The following DHRSX variants were observed in gnomAD, a reference collection of about 807,000 sequenced individuals.
DHRSX encodes dehydrogenase/reductase X-linked.
In DHRSX, 31 loss-of-function variants were observed where a neutral mutation model predicts 34.0. The observed-to-expected ratio is 0.91, with a 90% CI of 0.69 to 1.23. The LOEUF is 1.23. DHRSX is among the 50% of genes most tolerant of loss of function. The pLI, the probability that DHRSX is intolerant of heterozygous loss-of-function variation, is 0.00. For missense variants in DHRSX, 414 were observed against 428.1 expected (o/e 0.97, Z 0.29); for synonymous variants, 201 against 183.8 (o/e 1.09, Z -0.76).
At chrX:2,320,746 G>A (rs1008340616) in intron 3 of DHRSX, among the ~76,000 whole-genome samples, 6 of 151,520 alleles carry the variant, frequency 4.0e-5, no homozygotes, top group Non-Finnish European at 7.4e-5. Flanking sequence ...ATGGGTGAAT[G>A]TGGCAACCCC....
intron 6 of DHRSX, among the ~76,000 whole-genome samples, chrX:2,231,088 T>C (rs957266185): frequency 6.6e-6 from 1 of 152,140 alleles, no homozygotes; most frequent in Non-Finnish European, 1.5e-5. Context: ...GGCTGGCTTT[T>C]AAGGCTAAAC....
intron 3 of DHRSX, among the ~76,000 whole-genome samples, chrX:2,332,650 G>A (rs1243451189): frequency 1.3e-5 from 2 of 152,136 alleles, no homozygotes; most frequent in Non-Finnish European, 2.9e-5. Context: ...CACTCTGCCA[G>A]GTATTGACCC....
intron 1 of DHRSX, among the ~76,000 whole-genome samples, chrX:2,484,855 G>T (rs2044843381): frequency 6.6e-6 from 1 of 151,924 alleles, no homozygotes; most frequent in Admixed American, 6.6e-5. Flanking sequence ...CGGTCTCTGG[G>T]CCTCCTCTGC....
chrX:2,414,501 T>A (rs986712440), intron 2 of DHRSX, among the ~76,000 whole-genome samples: 6 of 150,878 alleles, frequency 4.0e-5, no homozygotes, highest in African/African-American at 1.2e-4. Flanking sequence ...CACGACCTAA[T>A]ACAACTATAT....
intron 3 of DHRSX, among the ~76,000 whole-genome samples, chrX:2,314,479 A>AAGGG (rs2042216494): frequency 3.4e-4 from 18 of 53,046 alleles, no homozygotes; most frequent in African/African-American, 1.5e-3. Flanking sequence ...AGAAGGAAGG[A>AAGGG]AGGAAGGAAG....
chrX:2,313,521 A>G (rs1418549403), intron 3 of DHRSX, among the ~76,000 whole-genome samples: 2 of 151,758 alleles, frequency 1.3e-5, no homozygotes, highest in Non-Finnish European at 2.9e-5. Context: ...GGCAAGCGCC[A>G]CCATGCCCAG....
chrX:2,265,928 T>A lies in DHRSX; in HGVS notation c.596+812A>T, dbSNP rs761071278. Among the ~76,000 whole-genome samples, 11 of 62,360 alleles carry A rather than the reference T, an allele frequency of 1.8e-4. No individual in the cohort carries two copies. In the South Asian group the frequency reaches 1.8e-3, roughly 10 times the overall value. The allele number at this position is 62,360 out of a possible 152,430, so 40.9% of individuals were successfully genotyped here. On this transcript the variant is annotated intron_variant, in intron 5 of 6. Transcript: ENST00000334651. ...CCCCAGAGCACCAGTGCTCGGCAGA[T>A]GCAGGGAGCACTGTCCCCAGAGCAC...
Position 2,266,949 on chromosome X carries a change from T to C in DHRSX, c.389-2A>G. On this transcript the variant is annotated splice_acceptor_variant, in intron 4 of 6. Coordinates refer to ENST00000334651, the MANE Select transcript of DHRSX (RefSeq NM_145177.3). LOFTEE classifies it high-confidence loss of function. ...TCTGAGGGACCATCATCACCCCAGC[T>C]GGACAAAAGAGAATATCAGAAGGAG... 1 of 1,613,856 alleles carries C rather than the reference T, an allele frequency of 6.2e-7. No individual in the cohort carries two copies. Among genetic ancestry groups the C allele is most frequent in the Non-Finnish European group, 8.5e-7 (1 of 1,179,804 alleles).
chrX:2,477,852 C>CAA (rs772395587), intron 1 of DHRSX, among the ~76,000 whole-genome samples: 1 of 125,752 alleles, frequency 8.0e-6, no homozygotes, highest in Non-Finnish European at 1.7e-5. Context: ...GACTCCGTCT[C>CAA]AAAAAAAAAA....
At chrX:2,445,918 G>T (rs1263696588) in intron 1 of DHRSX, among the ~76,000 whole-genome samples, 4 of 151,554 alleles carry the variant, frequency 2.6e-5, no homozygotes, top group African/African-American at 4.9e-5. Flanking sequence ...ATGTGGCCAA[G>T]GGACCGACGC....
intron 3 of DHRSX, among the ~76,000 whole-genome samples, chrX:2,300,563 A>G (rs1334406433): frequency 6.6e-6 from 1 of 152,132 alleles, no homozygotes. Flanking sequence ...CACATTCAAA[A>G]AGCAGGCAAA....
At chrX:2,431,028 A>G (rs2043912652) in intron 1 of DHRSX, among the ~76,000 whole-genome samples, 1 of 149,646 alleles carries the variant, frequency 6.7e-6, no homozygotes, top group Non-Finnish European at 1.5e-5. Flanking sequence ...GTCTCAAAAC[A>G]AAACAAAAAA....
chrX:2,392,758 T>C (rs1426408230), intron 3 of DHRSX, among the ~76,000 whole-genome samples: 2 of 53,672 alleles, frequency 3.7e-5, no homozygotes. Context: ...TAAAAATATA[T>C]ACTAAATATA....
rs1332377433 is a variant in DHRSX, at chrX:2,224,958, AC to A, written c.805-3730del. Among the ~76,000 whole-genome samples the A allele has an allele frequency of 1.9e-4, 7 of 37,262 alleles. No individual in the cohort carries two copies. The African/African-American group carries it at 1.9e-3, about 10-fold the overall frequency. 24.4% of individuals were successfully genotyped at this position (37,262 alleles called of 152,430 possible). The stretch of plus-strand genomic sequence containing the variant: ...TCATTCACATGTACACAGCTCACAC[AC>A]ATGCTCACATTCACATGCACACTAA... On this transcript the variant is annotated intron_variant, in intron 6 of 6. Coordinates refer to ENST00000334651, the MANE Select transcript of DHRSX (RefSeq NM_145177.3).
At chrX:2,358,680 C>G (rs35685746) in intron 3 of DHRSX, among the ~76,000 whole-genome samples, 20,196 of 151,980 alleles carry the variant, frequency 0.13, 1,751 homozygotes, top group African/African-American at 0.25. Context: ...ATTTCATAGA[C>G]GAGGAAAATG....
chrX:2,317,709 C>T (rs975729014), intron 3 of DHRSX, among the ~76,000 whole-genome samples: 2 of 152,106 alleles, frequency 1.3e-5, no homozygotes, highest in African/African-American at 4.8e-5. Flanking sequence ...TCTGAATACA[C>T]ATTTTACATG....
At chrX:2,250,143 C>G (rs1399718017) in intron 5 of DHRSX, among the ~76,000 whole-genome samples, 1 of 120,582 alleles carries the variant, frequency 8.3e-6, no homozygotes, top group Admixed American at 1.1e-4. Context: ...GCCTGGGCAA[C>G]AGAGTGAGAC....
At chrX:2,248,606 T>A (rs1464571059) in intron 5 of DHRSX, among the ~76,000 whole-genome samples, 1 of 65,210 alleles carries the variant, frequency 1.5e-5, no homozygotes, top group African/African-American at 8.5e-5. Flanking sequence ...AGAGCAAGAC[T>A]CTGTCTCAAA....
At chrX:2,471,517 T>C (rs1304120971) in intron 1 of DHRSX, among the ~76,000 whole-genome samples, 4 of 151,884 alleles carry the variant, frequency 2.6e-5, no homozygotes, top group Non-Finnish European at 4.4e-5. Flanking sequence ...TGAGCCGAGA[T>C]TGAGCCATTG....
Sources: allele counts gnomAD v4.1 joint callset (sites outside exome capture counted in the v4.1 genomes callset), GRCh38; gene constraint gnomAD v4.1.1; transcripts MANE v1.5; gene names NCBI Gene and HGNC (gene_info 2026-07-23, HGNC 2026-07-21).